LRP1B: variants seen among roughly 807,000 people sequenced by gnomAD.
LRP1B encodes the protein LDL receptor related protein 1B.
In LRP1B, 217 loss-of-function variants were observed where a neutral mutation model predicts 556.6. The ratio of observed to expected loss-of-function variants is 0.39; its 90% CI spans 0.35 to 0.44. The LOEUF is 0.44. Among genes scored for constraint, LRP1B ranks in the 20% least tolerant of loss-of-function variants. The pLI, the probability that LRP1B is intolerant of heterozygous loss-of-function variation, is 1.00. For missense variants in LRP1B, 5,053 were observed against 5,620.8 expected, an observed-to-expected ratio of 0.90 and a Z score of 3.23; for synonymous variants, 2,047 against 1,865.8, an observed-to-expected ratio of 1.10 and a Z score of -2.50.
intron 1 of LRP1B, among the ~76,000 whole-genome samples, chr2:141,985,541 A>C (rs1308763384): frequency 6.6e-6 from 1 of 151,986 alleles, no homozygotes; most frequent in Non-Finnish European, 1.5e-5. Flanking sequence ...TTCCATATTC[A>C]CATCAGTTAG....
chr2:140,683,674 G>A, intron 41 of LRP1B: 1 of 704,428 alleles, frequency 1.4e-6, no homozygotes, highest in Non-Finnish European at 2.6e-6. Context: ...CAAATCTTCA[G>A]AATGGGTGCC....
intron 47 of LRP1B, among the ~76,000 whole-genome samples, chr2:140,527,560 T>C (rs973637569): frequency 3.9e-5 from 6 of 151,964 alleles, no homozygotes; most frequent in African/African-American, 1.4e-4. Flanking sequence ...TTAGAATAAA[T>C]GTTTTATTTA....
rs1024474375 is a variant in LRP1B, at chr2:141,229,235, T to C, written c.798A>G (p.Lys266=). The change falls in exon 6 of 91, where the codon AAA becomes AAG. Residue 266 remains lysine (K), a synonymous_variant. Coordinates refer to ENST00000389484, the MANE Select transcript of LRP1B (RefSeq NM_018557.3). ...SNQLKCIQIT[K]AGGLTDEWTI... ...TCCATTCATCTGTTAATCCTCCTGC[T>C]TTTGTTATCTGGATACATTTGAGTT... The C allele has an allele frequency of 6.2e-7, 1 of 1,612,898 alleles. No individual in the cohort carries two copies. Among genetic ancestry groups the C allele is most frequent in the African/African-American group, 1.3e-5 (1 of 74,910 alleles).
intron 7 of LRP1B, among the ~76,000 whole-genome samples, chr2:141,072,203 A>G (rs755062173): frequency 7.2e-5 from 11 of 152,090 alleles, no homozygotes; most frequent in Non-Finnish European, 1.6e-4. Flanking sequence ...CCAGAATATT[A>G]TGCTCAAATG....
chr2:142,012,139 T>A (rs954799962), intron 1 of LRP1B, among the ~76,000 whole-genome samples: 1 of 152,144 alleles, frequency 6.6e-6, no homozygotes, highest in Non-Finnish European at 1.5e-5. Context: ...TAGGTAAGAT[T>A]AATCAAATTT....
At chr2:140,645,599 A>T (rs2105308689) in intron 41 of LRP1B, among the ~76,000 whole-genome samples, 1 of 127,370 alleles carries the variant, frequency 7.9e-6, no homozygotes, top group East Asian at 2.3e-4. Flanking sequence ...GAGTGCAGTG[A>T]CACGATCTCC....
At chr2:140,334,099 C>G (rs1489243552) in intron 79 of LRP1B, among the ~76,000 whole-genome samples, 1 of 151,778 alleles carries the variant, frequency 6.6e-6, no homozygotes, top group African/African-American at 2.4e-5. Flanking sequence ...ATCTCTCATT[C>G]TCTAGGAATA....
chr2:141,880,158 A>G (rs1195395163), intron 1 of LRP1B, among the ~76,000 whole-genome samples: 1 of 151,940 alleles, frequency 6.6e-6, no homozygotes, highest in Admixed American at 6.6e-5. Context: ...AATATCTACG[A>G]TCCATCAAGG....
At chr2:140,788,802 G>A (rs1690002674) in intron 32 of LRP1B, among the ~76,000 whole-genome samples, 1 of 152,144 alleles carries the variant, frequency 6.6e-6, no homozygotes, top group African/African-American at 2.4e-5. Context: ...CAGTGTGACT[G>A]TATTTGGAGA....
chr2:141,464,606 A>ATATATATATATATATATTTTTTTTTTTT, intron 3 of LRP1B, among the ~76,000 whole-genome samples: 1 of 90,562 alleles, frequency 1.1e-5, no homozygotes, highest in African/African-American at 4.3e-5. Flanking sequence ...ATATATATAT[A>ATATATATATATATATATTTTTTTTTTTT]TTTTTTTAGT....
chr2:141,876,851 G>A (rs745895806), intron 1 of LRP1B, among the ~76,000 whole-genome samples: 2 of 151,670 alleles, frequency 1.3e-5, no homozygotes, highest in East Asian at 1.9e-4. Context: ...CTGAAAACAC[G>A]ACTTGAAGAT....
At position 140,321,979 on chromosome 2, in the gene LRP1B, A is replaced by T. The variant is rs1680163129; in HGVS notation, c.12624T>A (p.Asn4208Lys). 1 of 1,612,888 alleles carries T rather than the reference A, an allele frequency of 6.2e-7. No homozygotes were observed. Among genetic ancestry groups the T allele is most frequent in the Non-Finnish European group, 8.5e-7 (1 of 1,179,332 alleles). The change falls in exon 82 of 91, where the codon AAT (asparagine) becomes AAA (lysine). Residue 4208 changes from asparagine to lysine, a missense_variant. By Grantham distance (94) the Asn-to-Lys change is moderately conservative. This residue lies in a region of LRP1B where 551 missense variants were observed against 592.0 expected (regional missense o/e 0.93). Coordinates refer to ENST00000389484, the MANE Select transcript of LRP1B (RefSeq NM_018557.3). The part of the protein sequence containing the change: ...EGKYLINGTC[N>K]DDSLLDDSCK... ...TATACCCACCTAACAGGCTGTCATC[A>T]TTGCAGGTGCCATTAATCAAATATT...
intron 25 of LRP1B, among the ~76,000 whole-genome samples, chr2:140,876,823 C>T (rs1693322261): frequency 6.6e-6 from 1 of 152,006 alleles, no homozygotes; most frequent in African/African-American, 2.4e-5. Context: ...TTTCTTGCTG[C>T]ACTGTATACA....
chr2:140,904,351 A>G (rs1193285421), intron 22 of LRP1B, among the ~76,000 whole-genome samples: 1 of 152,118 alleles, frequency 6.6e-6, no homozygotes, highest in Non-Finnish European at 1.5e-5. Flanking sequence ...CTTGGCTTTA[A>G]AAATATTTTC....
intron 5 of LRP1B, among the ~76,000 whole-genome samples, chr2:141,239,523 A>T (rs1683783781): frequency 6.6e-6 from 1 of 152,086 alleles, no homozygotes; most frequent in African/African-American, 2.4e-5. Flanking sequence ...AATACCAGTG[A>T]TTAAAGAAAT....
chr2:140,290,054 A>G (rs1484974710), intron 84 of LRP1B, among the ~76,000 whole-genome samples: 1 of 152,036 alleles, frequency 6.6e-6, no homozygotes, highest in Non-Finnish European at 1.5e-5. Context: ...CATGCATCCA[A>G]ACTCCTAAAT....
chr2:142,125,578 C>T (rs984561213), intron 1 of LRP1B, among the ~76,000 whole-genome samples: 3 of 151,142 alleles, frequency 2.0e-5, no homozygotes, highest in Non-Finnish European at 4.4e-5. Flanking sequence ...ATATTTTATC[C>T]CAAAAAACTA....
chr2:141,873,331 G>A (rs1342564865), intron 1 of LRP1B, among the ~76,000 whole-genome samples: 1 of 151,882 alleles, frequency 6.6e-6, no homozygotes, highest in Non-Finnish European at 1.5e-5. Flanking sequence ...ATGATAGCAT[G>A]TGCCTGTAGT....
chr2:141,298,394 A>G (rs1686262229), intron 3 of LRP1B, among the ~76,000 whole-genome samples: 1 of 152,192 alleles, frequency 6.6e-6, no homozygotes, highest in African/African-American at 2.4e-5. Flanking sequence ...TTGTGGTATC[A>G]GTGGACCTGG....
Sources: gnomAD v4.1 joint callset for allele counts (sites outside exome capture counted in the v4.1 genomes callset) on GRCh38, gnomAD v4.1.1 for gene constraint, gnomAD v4.1.1 regional missense constraint, MANE v1.5 for transcripts, NCBI Gene and HGNC (gene_info 2026-07-23, HGNC 2026-07-21) for gene names.